ARSG: variants seen among roughly 807,000 people sequenced by gnomAD.
ARSG encodes arylsulfatase G.
A neutral mutation model predicts 50.5 loss-of-function variants in ARSG; 37 were observed. That is an observed-to-expected ratio of 0.73 (90% confidence interval 0.56 to 0.96). The LOEUF is 0.96. Ranked by LOEUF, ARSG falls within the 50% of genes least tolerant of loss-of-function variation. The pLI is 0.00. For missense variants in ARSG, 629 were observed against 675.3 expected (o/e 0.93, Z 0.76); for synonymous variants, 225 against 254.6 (o/e 0.88, Z 1.11).
chr17:68,266,764 T>C (rs1406490978), intron 1 of ARSG, among the ~76,000 whole-genome samples: 16 of 152,070 alleles, frequency 1.1e-4, no homozygotes, highest in African/African-American at 3.9e-4. Context: ...TGAGCTGAGA[T>C]TGTGCCATTG....
the ARSG span, among the ~76,000 whole-genome samples, chr17:68,432,310 C>G: frequency 1.3e-5 from 2 of 152,168 alleles, no homozygotes; most frequent in Non-Finnish European, 1.5e-5. Context: ...CGTGGGCTTG[C>G]TTTAATCACA....
chr17:68,332,055 A>G (rs1399400008), intron 2 of ARSG, among the ~76,000 whole-genome samples: 1 of 152,230 alleles, frequency 6.6e-6, no homozygotes, highest in Non-Finnish European at 1.5e-5. Context: ...GTCTGACCAA[A>G]ATTTATTAGG....
chr17:68,290,690 T>C (rs1555755487), upstream of ARSG, among the ~76,000 whole-genome samples: 1 of 152,212 alleles, frequency 6.6e-6, no homozygotes, highest in Non-Finnish European at 1.5e-5. Flanking sequence ...GACATTTCGC[T>C]CCTGCGACGC....
At chr17:68,361,345 G>A in intron 6 of ARSG, among the ~76,000 whole-genome samples, 1 of 152,146 alleles carries the variant, frequency 6.6e-6, no homozygotes, top group Non-Finnish European at 1.5e-5. Context: ...TGAGGATACA[G>A]TGGGAAGACA....
chr17:68,314,482 C>A (rs577494431), intron 2 of ARSG, among the ~76,000 whole-genome samples: 2 of 148,496 alleles, frequency 1.3e-5, no homozygotes, highest in African/African-American at 2.5e-5. Flanking sequence ...GCTGAGATTG[C>A]GCCATTGTAC....
intron 8 of ARSG, chr17:68,379,723 G>A (rs1284727860): frequency 1.5e-6 from 1 of 663,224 alleles, no homozygotes; most frequent in East Asian, 1.4e-4. Flanking sequence ...GGCAGTGTTA[G>A]GAATTCAATA....
chr17:68,325,081 G>A (rs541178901), intron 2 of ARSG, among the ~76,000 whole-genome samples: 60 of 152,162 alleles, frequency 3.9e-4, no homozygotes, highest in Admixed American at 2.2e-3. Flanking sequence ...ACCAGTCCAT[G>A]ACTTGTTAGG....
At chr17:68,279,409 C>T (rs540980769) in intron 1 of ARSG, among the ~76,000 whole-genome samples, 93 of 152,180 alleles carry the variant, frequency 6.1e-4, no homozygotes, top group African/African-American at 2.0e-3. Flanking sequence ...GACACAATGT[C>T]ACTATAAATC....
At chr17:68,335,272 A>G (rs144343875) in intron 2 of ARSG, among the ~76,000 whole-genome samples, 1 of 152,160 alleles carries the variant, frequency 6.6e-6, no homozygotes, top group East Asian at 1.9e-4. Context: ...TATAAGAGAT[A>G]TGTCGGCCAG....
chr17:68,421,651 A>G, downstream of ARSG: 1 of 1,400,412 alleles, frequency 7.1e-7, no homozygotes, highest in Non-Finnish European at 1.0e-6. Flanking sequence ...TAAGCAGTGG[A>G]GCACCCGGGA....
In ARSG at chr17:68,385,075, G is replaced by A; in HGVS notation, c.994G>A (p.Ala332Thr). Residue 332 changes from alanine to threonine, a missense_variant, in exon 9 of 12, where the codon GCC (alanine) becomes ACC (threonine). Transcript: ENST00000621439. ...CCCTCCTCTCACAGGGGGAAGTCCA[G>A]CCAAGCAGACGACCTGGGAAGGAGG... ...FWQTRQGGSPAKQTTWEGGHR... is the reference protein window; with the variant it reads ...FWQTRQGGSPTKQTTWEGGHR... 1 of 1,614,044 alleles carries A rather than the reference G, an allele frequency of 6.2e-7. No individual in the cohort carries two copies. The highest frequency in any genetic ancestry group is 8.5e-7 in the Non-Finnish European group (1 of 1,179,948).
In ARSG at chr17:68,371,316, C is replaced by CAAA. The variant is rs35873473; in HGVS notation, c.982+810_982+812dup. Among the ~76,000 whole-genome samples, 69 of 85,932 alleles carry CAAA rather than the reference C, an allele frequency of 8.0e-4. 1 individual carries two copies. The highest frequency in any genetic ancestry group is 3.7e-3 in the East Asian group (9 of 2,414). The allele number at this position is 85,932 out of a possible 152,430, so 56.4% of individuals were successfully genotyped here. On this transcript the variant is annotated intron_variant, in intron 8 of 11. Coordinates refer to ENST00000621439, the MANE Select transcript of ARSG (RefSeq NM_001267727.2). ...TGGGCGAGAGTGTGAGACTCCGTCTCAAAAAAAAAAAAAAAAAAAAGAAGG... is the reference window on the plus strand; with the variant it reads ...TGGGCGAGAGTGTGAGACTCCGTCTCAAAAAAAAAAAAAAAAAAAAAAAGAAGG...
the ARSG span, among the ~76,000 whole-genome samples, chr17:68,438,385 A>G: frequency 2.5e-3 from 380 of 152,354 alleles, 1 homozygote; most frequent in Non-Finnish European, 4.5e-3. Context: ...TGAAATTTCA[A>G]GAACAGCTAG....
chr17:68,367,440 T>C lies in ARSG; in HGVS notation c.705-1108T>C, dbSNP rs570441807. 6.6e-6 allele frequency among the ~76,000 whole-genome samples: 1 copy of C among 152,278 alleles called. No homozygotes were observed. The highest frequency in any genetic ancestry group is 2.1e-4 in the South Asian group (1 of 4,832). ...GGCCATGCATCTACCCCCACCAGAA[T>C]GTTGTTGACTCTGTACTCTCCCAAT... On this transcript the variant is annotated intron_variant, in intron 6 of 11. Coordinates refer to ENST00000621439, the MANE Select transcript of ARSG (RefSeq NM_001267727.2). The surrounding 1 kb of genome is among the most constrained non-coding windows in gnomAD (Gnocchi z 4.5).
rs782086237 is a variant in ARSG, at chr17:68,271,896, G to A, written c.-552+12470G>A. Among the ~76,000 whole-genome samples the A allele has an allele frequency of 3.3e-5, 5 of 152,132 alleles. No homozygotes were observed. Among genetic ancestry groups the A allele is most frequent in the Admixed American group, 2.0e-4 (3 of 15,262 alleles). On this transcript the variant is annotated intron_variant, in intron 1 of 11. Transcript: ENST00000448504. This position sits in a 1 kb window ranked among gnomAD's most constrained non-coding sequence, Gnocchi z 5.3. ...CAGCTCACCGCAACCTCCACCTCCC[G>A]GGTTCAAGCGATTCTCCTGCCTCAG...
exon 1 of ARSG, chr17:68,259,302 G>A (rs1269128054): frequency 1.3e-5 from 2 of 152,204 alleles, no homozygotes; most frequent in Non-Finnish European, 2.9e-5. Context: ...GCTTCCCCTG[G>A]CGTCAGCGAC....
intron 1 of ARSG, among the ~76,000 whole-genome samples, chr17:68,263,145 A>G (rs782546319): frequency 1.4e-4 from 22 of 152,206 alleles, no homozygotes; most frequent in South Asian, 2.1e-4. Context: ...ATGGATAGTC[A>G]TTGAAGTAGT....
the ARSG span, among the ~76,000 whole-genome samples, chr17:68,447,396 T>C: frequency 6.6e-6 from 1 of 152,192 alleles, no homozygotes; most frequent in Non-Finnish European, 1.5e-5. Flanking sequence ...TTTTATTTTT[T>C]ATAGAGACAG....
At chr17:68,451,396 T>G in the ARSG span, among the ~76,000 whole-genome samples, 2 of 152,094 alleles carry the variant, frequency 1.3e-5, no homozygotes, top group Non-Finnish European at 2.9e-5. Context: ...ATCACAACAC[T>G]GCACTCCAGC....
Sources: allele counts gnomAD v4.1 joint callset (sites outside exome capture counted in the v4.1 genomes callset), GRCh38; gene constraint gnomAD v4.1.1; non-coding constraint Gnocchi (gnomAD v3.1); transcripts MANE v1.5; gene names NCBI Gene and HGNC (gene_info 2026-07-23, HGNC 2026-07-21).